Variants in PDE4D observed in about 807,000 individuals in gnomAD.
PDE4D encodes the protein phosphodiesterase 4D, also known as 3',5'-cyclic-AMP phosphodiesterase 4D.
PDE4D carries 24 observed loss-of-function variants against 87.4 expected under a neutral mutation model. That is an observed-to-expected ratio of 0.27 (90% confidence interval 0.20 to 0.39). PDE4D has a LOEUF of 0.39. PDE4D is among the 10% of genes least tolerant of loss of function. The pLI, the probability that PDE4D is intolerant of heterozygous loss-of-function variation, is 1.00. For missense variants in PDE4D, 714 were observed against 1,041.0 expected (o/e 0.69, Z 4.32); for synonymous variants, 384 against 383.2 (o/e 1.00, Z -0.02).
At chr5:59,185,791 T>A (rs964589334) in intron 3 of PDE4D, among the ~76,000 whole-genome samples, 5 of 152,204 alleles carry the variant, frequency 3.3e-5, no homozygotes, top group Non-Finnish European at 7.3e-5. Flanking sequence ...TTATCTGAAT[T>A]GTGCATTGTA....
intron 1 of PDE4D, among the ~76,000 whole-genome samples, chr5:60,398,643 T>C (rs1476808887): frequency 6.6e-6 from 1 of 152,104 alleles, no homozygotes; most frequent in African/African-American, 2.4e-5. Context: ...TGCTTGACAT[T>C]TCCTCCAAAA....
intron 1 of PDE4D, chr5:59,528,982 GC>G: frequency 4.4e-6 from 2 of 456,316 alleles, no homozygotes. Flanking sequence ...GGCCATAAGA[GC>G]CCAGCTGAAA....
At chr5:59,240,643 C>T (rs1396724019) in intron 1 of PDE4D, among the ~76,000 whole-genome samples, 2 of 152,102 alleles carry the variant, frequency 1.3e-5, no homozygotes, top group African/African-American at 4.8e-5. Context: ...CTCTGGAGAA[C>T]ATTGTATCTG....
intron 2 of PDE4D, among the ~76,000 whole-genome samples, chr5:60,049,917 T>C (rs1237261907): frequency 2.0e-5 from 3 of 152,202 alleles, no homozygotes; most frequent in Non-Finnish European, 4.4e-5. Flanking sequence ...CCTGGCTGCT[T>C]TGTTTACGTA....
intron 3 of PDE4D, among the ~76,000 whole-genome samples, chr5:59,924,351 G>A (rs1755011595): frequency 6.6e-6 from 1 of 151,820 alleles, no homozygotes; most frequent in South Asian, 2.1e-4. Context: ...CCAAAGCTAG[G>A]GAATTATATC....
At chr5:59,278,559 T>C (rs1765248777) in intron 1 of PDE4D, among the ~76,000 whole-genome samples, 1 of 152,118 alleles carries the variant, frequency 6.6e-6, no homozygotes, top group East Asian at 1.9e-4. Context: ...AATGACTATG[T>C]CATTTGATGT....
chr5:59,651,936 C>T (rs1366487839), intron 1 of PDE4D, among the ~76,000 whole-genome samples: 1 of 152,148 alleles, frequency 6.6e-6, no homozygotes, highest in Non-Finnish European at 1.5e-5. Context: ...ATTGCCTTAG[C>T]TAAAGAGCAC....
intron 1 of PDE4D, among the ~76,000 whole-genome samples, chr5:59,755,254 T>C (rs920061844): frequency 6.6e-6 from 1 of 152,174 alleles, no homozygotes; most frequent in East Asian, 1.9e-4. Flanking sequence ...CTCAGAGTCT[T>C]TGGAAGGTCA....
Position 59,306,581 on chromosome 5 carries a change from C to A in PDE4D, c.456-90613G>T, listed in dbSNP as rs562721985. On this transcript the variant is annotated intron_variant, in intron 1 of 14. Transcript: ENST00000340635. ...ACACCAATAACAGACAAACAGAGAG[C>A]CAAATCATCAGTAAACTCCCATTCA... 4.8e-4 allele frequency among the ~76,000 whole-genome samples: 73 copies of A among 152,148 alleles called. 1 individual carries two copies. The highest frequency in any genetic ancestry group is 1.7e-3 in the African/African-American group (72 of 41,500).
chr5:59,679,687 G>A (rs1022224157), intron 1 of PDE4D, among the ~76,000 whole-genome samples: 2 of 152,036 alleles, frequency 1.3e-5, no homozygotes, highest in Non-Finnish European at 2.9e-5. Context: ...TCAACATCAA[G>A]TAACCAGACT....
intron 1 of PDE4D, among the ~76,000 whole-genome samples, chr5:60,473,634 C>A (rs1389075950): frequency 6.6e-6 from 1 of 152,018 alleles, no homozygotes; most frequent in East Asian, 1.9e-4. Flanking sequence ...CCCTGGCACA[C>A]ACAGAGCTGA....
At chr5:59,681,295 A>T (rs994761241) in intron 1 of PDE4D, among the ~76,000 whole-genome samples, 53 of 152,332 alleles carry the variant, frequency 3.5e-4, no homozygotes, top group African/African-American at 1.3e-3. Flanking sequence ...GATATTAACC[A>T]ACAATATTAA....
chr5:59,037,836 G>GA (rs55997866), intron 6 of PDE4D, among the ~76,000 whole-genome samples: 49,084 of 147,960 alleles, frequency 0.33, 8,866 homozygotes, highest in Middle Eastern at 0.45. Context: ...TAGAAAGGTA[G>GA]AAAAAAAAAA....
chr5:60,250,546 G>A (rs1157113685), intron 1 of PDE4D, among the ~76,000 whole-genome samples: 3 of 151,894 alleles, frequency 2.0e-5, no homozygotes, highest in African/African-American at 4.8e-5. Flanking sequence ...AGATTATAAC[G>A]AAGCTGAAAA....
intron 2 of PDE4D, among the ~76,000 whole-genome samples, chr5:60,048,258 T>C (rs1769569451): frequency 6.6e-6 from 1 of 152,204 alleles, no homozygotes; most frequent in Non-Finnish European, 1.5e-5. Flanking sequence ...CCTATGTGTG[T>C]CTCTGCACGT....
chr5:59,573,475 G>C (rs934074534), intron 1 of PDE4D, among the ~76,000 whole-genome samples: 1 of 152,080 alleles, frequency 6.6e-6, no homozygotes, highest in Admixed American at 6.5e-5. Flanking sequence ...GTACTGGGGA[G>C]GGATCTGTTT....
intron 6 of PDE4D, among the ~76,000 whole-genome samples, chr5:59,016,752 G>T (rs1754085237): frequency 6.6e-6 from 1 of 152,020 alleles, no homozygotes. Flanking sequence ...TTAAACATCA[G>T]AGTTTTTTAG....
intron 1 of PDE4D, among the ~76,000 whole-genome samples, chr5:59,453,109 C>T (rs1024447587): frequency 1.3e-5 from 2 of 151,910 alleles, no homozygotes; most frequent in African/African-American, 4.8e-5. Flanking sequence ...TATTTTAATA[C>T]CTATTATGGT....
intron 1 of PDE4D, among the ~76,000 whole-genome samples, chr5:60,342,214 T>C (rs781394435): frequency 4.6e-5 from 7 of 152,212 alleles, no homozygotes. Flanking sequence ...TTTTCTCAGC[T>C]GTAAAAGGGG....
Sources: gnomAD v4.1 joint callset for allele counts (sites outside exome capture counted in the v4.1 genomes callset) on GRCh38, gnomAD v4.1.1 for gene constraint, MANE v1.5 for transcripts, NCBI Gene and HGNC (gene_info 2026-07-23, HGNC 2026-07-21) for gene names.